PPP2R3A: variants seen among roughly 807,000 people sequenced by gnomAD.
The protein encoded by PPP2R3A is protein phosphatase 2 regulatory subunit B''alpha, also known as serine/threonine-protein phosphatase 2A regulatory subunit B'' subunit alpha.
In PPP2R3A, 80 loss-of-function variants were observed where a neutral mutation model predicts 106.9. The observed-to-expected ratio is 0.75, with a 90% CI of 0.62 to 0.90. The LOEUF is 0.90. Ranked by LOEUF, PPP2R3A falls within the 40% of genes least tolerant of loss-of-function variation. The probability of loss-of-function intolerance (pLI) is 0.00; values close to 1 mark genes in which losing one functional copy is unlikely to be tolerated. For synonymous variants in PPP2R3A, 483 were observed against 468.3 expected (o/e 1.03, Z -0.41); for missense variants, 1,386 against 1,350.4 (o/e 1.03, Z -0.41).
At chr3:136,043,224 C>T (rs975397131) in intron 4 of PPP2R3A, among the ~76,000 whole-genome samples, 12 of 151,958 alleles carry the variant, frequency 7.9e-5, no homozygotes, top group African/African-American at 2.9e-4. Context: ...CTCTGGGAGG[C>T]CAAGGTGGGC....
intron 1 of PPP2R3A, among the ~76,000 whole-genome samples, chr3:135,969,598 A>G (rs147497485): frequency 1.3e-5 from 2 of 152,342 alleles, no homozygotes; most frequent in African/African-American, 4.8e-5. Flanking sequence ...GCAGAGGGCT[A>G]AACTGGAGGC....
At chr3:136,008,640 C>T (rs919535492) in intron 2 of PPP2R3A, among the ~76,000 whole-genome samples, 2 of 152,102 alleles carry the variant, frequency 1.3e-5, no homozygotes, top group Non-Finnish European at 2.9e-5. Context: ...CCATTATGAT[C>T]CCTTTTTGTT....
intron 1 of PPP2R3A, among the ~76,000 whole-genome samples, chr3:135,974,314 C>T (rs1315856165): frequency 6.6e-6 from 1 of 152,190 alleles, no homozygotes; most frequent in Non-Finnish European, 1.5e-5. Flanking sequence ...ACACCAACAA[C>T]TACATGCTGA....
At chr3:136,076,375 T>A (rs1936594507) in intron 6 of PPP2R3A, among the ~76,000 whole-genome samples, 2 of 152,204 alleles carry the variant, frequency 1.3e-5, no homozygotes, top group Non-Finnish European at 2.9e-5. Context: ...TCTTTCACAA[T>A]CATTTTGAAT....
rs759504057 is a variant in PPP2R3A at position 136,082,386 on chromosome 3, T to C, written c.2753T>C (p.Ile918Thr). 9.3e-6 allele frequency: 15 copies of C among 1,613,834 alleles called. No homozygotes were observed. In the South Asian group the frequency reaches 1.5e-4, roughly 17 times the overall value. Reference sequence around the variant, plus strand: ...CTAGATACTGATCACGACCTCTACATCAGCCAGGCCGATCTGTCTCGATAC... The same window carrying C: ...CTAGATACTGATCACGACCTCTACACCAGCCAGGCCGATCTGTCTCGATAC... ...WELDTDHDLY[I>T]SQADLSRYND... Residue 918 changes from isoleucine (I) to threonine (T), a missense_variant, in exon 8 of 14, where the codon ATC (isoleucine) becomes ACC (threonine). Ile to Thr is a moderately conservative substitution (Grantham distance 89, BLOSUM62 -1). Coordinates refer to ENST00000264977, the MANE Select transcript of PPP2R3A (RefSeq NM_002718.5).
intron 10 of PPP2R3A, among the ~76,000 whole-genome samples, chr3:136,100,273 G>T (rs1030398992): frequency 6.6e-6 from 1 of 152,074 alleles, no homozygotes; most frequent in African/African-American, 2.4e-5. Context: ...ACTTTGGGAG[G>T]CCAAGACAGG....
At chr3:136,003,575 G>C (rs1193921869) in intron 2 of PPP2R3A, 82 bp downstream of exon 2, 5 of 1,342,624 alleles carry the variant, frequency 3.7e-6, no homozygotes, top group Non-Finnish European at 4.0e-6. Context: ...AAACTTTTTT[G>C]TTAGCCATTT....
intron 3 of PPP2R3A, among the ~76,000 whole-genome samples, chr3:136,039,260 A>G (rs1019115492): frequency 1.3e-5 from 2 of 152,244 alleles, no homozygotes; most frequent in Non-Finnish European, 2.9e-5. Flanking sequence ...TCCTGGGTCT[A>G]ATGTGAATAA....
intron 8 of PPP2R3A, among the ~76,000 whole-genome samples, chr3:136,087,028 C>T (rs986131681): frequency 6.6e-6 from 1 of 152,042 alleles, no homozygotes; most frequent in Non-Finnish European, 1.5e-5. Context: ...ATGGAGAAAC[C>T]CCATCGCTAA....
At chr3:136,031,290 A>C (rs1210860537) in intron 3 of PPP2R3A, among the ~76,000 whole-genome samples, 1 of 152,072 alleles carries the variant, frequency 6.6e-6, no homozygotes, top group Non-Finnish European at 1.5e-5. Context: ...TTATATGTTT[A>C]TTGGCCATTT....
intron 5 of PPP2R3A, chr3:136,055,612 G>C (rs1170118581): frequency 1.4e-6 from 2 of 1,387,136 alleles, no homozygotes; most frequent in Non-Finnish European, 2.0e-6. Context: ...GCCAACTGCT[G>C]TATTTAACAC....
intron 1 of PPP2R3A, among the ~76,000 whole-genome samples, chr3:135,966,595 T>C (rs1046088633): frequency 1.3e-5 from 2 of 152,110 alleles, no homozygotes; most frequent in Admixed American, 1.3e-4. Context: ...CCGAACTCTG[T>C]TGTGCTCCCG....
chr3:136,118,340 C>T (rs1937859412), intron 13 of PPP2R3A, among the ~76,000 whole-genome samples: 1 of 152,178 alleles, frequency 6.6e-6, no homozygotes, highest in African/African-American at 2.4e-5. Flanking sequence ...GTCCTCTCAC[C>T]ACTCGTATTC....
intron 13 of PPP2R3A, among the ~76,000 whole-genome samples, chr3:136,128,577 T>C (rs1340909821): frequency 6.6e-6 from 1 of 152,112 alleles, no homozygotes; most frequent in Non-Finnish European, 1.5e-5. Context: ...GTGGGACACT[T>C]TAACACCCCA....
At chr3:136,122,623 T>TACGTAA (rs895370996) in intron 13 of PPP2R3A, among the ~76,000 whole-genome samples, 7 of 152,174 alleles carry the variant, frequency 4.6e-5, no homozygotes, top group African/African-American at 1.4e-4. Context: ...CAAACACTTC[T>TACGTAA]ACGTAAACAA....
rs547723506 is a variant in PPP2R3A, at chr3:136,143,694, G to A, written c.3330-1349G>A. 1.3e-4 allele frequency among the ~76,000 whole-genome samples: 20 copies of A among 152,190 alleles called. No individual in the cohort carries two copies. In the South Asian group the frequency reaches 3.7e-3, roughly 28 times the overall value. On this transcript the variant is annotated intron_variant, in intron 13 of 13. Coordinates refer to ENST00000264977, the MANE Select transcript of PPP2R3A (RefSeq NM_002718.5). ...AAATCCCAGCTACTCGGGAGGCTGAGGCAGGAGAATCACTTGAACTTGGGA... is the reference window on the plus strand; with the variant it reads ...AAATCCCAGCTACTCGGGAGGCTGAAGCAGGAGAATCACTTGAACTTGGGA...
chr3:136,072,999 ACT>A (rs1936483067), intron 6 of PPP2R3A, among the ~76,000 whole-genome samples: 1 of 151,580 alleles, frequency 6.6e-6, no homozygotes, highest in Non-Finnish European at 1.5e-5. Flanking sequence ...ACGGAGTCTC[ACT>A]CTGTCACTCA....
At chr3:136,079,187 G>C in intron 7 of PPP2R3A, 1 of 454,746 alleles carries the variant, frequency 2.2e-6, no homozygotes, top group South Asian at 1.6e-5. Flanking sequence ...GTCCATGATG[G>C]ATATACAAAC....
At chr3:136,013,180 G>GTGTGTGTGTGTA (rs1160060556) in intron 2 of PPP2R3A, among the ~76,000 whole-genome samples, 1 of 142,168 alleles carries the variant, frequency 7.0e-6, no homozygotes, top group African/African-American at 2.5e-5. Flanking sequence ...GTGTGTGTGT[G>GTGTGTGTGTGTA]TGTATGTATG....
Sources: gnomAD v4.1 joint callset for allele counts (sites outside exome capture counted in the v4.1 genomes callset) on GRCh38, gnomAD v4.1.1 for gene constraint, MANE v1.5 for transcripts, NCBI Gene and HGNC (gene_info 2026-07-23, HGNC 2026-07-21) for gene names.